DNM3: variants seen among roughly 807,000 people sequenced by gnomAD.
The protein encoded by DNM3 is dynamin-3.
Under a neutral mutation model 101.6 loss-of-function variants are expected in DNM3, and 47 were observed. That is an observed-to-expected ratio of 0.46 (90% confidence interval 0.37 to 0.59). The LOEUF is 0.59. Among genes scored for constraint, DNM3 ranks in the 20% least tolerant of loss-of-function variants. The pLI, the probability that DNM3 is intolerant of heterozygous loss-of-function variation, is 0.00. For synonymous variants in DNM3, 385 were observed against 387.9 expected, an observed-to-expected ratio of 0.99 and a Z score of 0.09; for missense variants, 849 against 1,085.7, an observed-to-expected ratio of 0.78 and a Z score of 3.06.
At chr1:171,939,740 A>T (rs2041688064) in intron 2 of DNM3, among the ~76,000 whole-genome samples, 1 of 152,214 alleles carries the variant, frequency 6.6e-6, no homozygotes, top group Non-Finnish European at 1.5e-5. Flanking sequence ...AAGTAAGAAA[A>T]TGAATAGACT....
downstream of DNM3, among the ~76,000 whole-genome samples, chr1:172,413,167 C>CTGT (rs1336306150): frequency 1.3e-5 from 2 of 152,226 alleles, no homozygotes; most frequent in African/African-American, 4.8e-5. Flanking sequence ...CAATTAGCCT[C>CTGT]TGTTATTTGT....
intron 14 of DNM3, among the ~76,000 whole-genome samples, chr1:172,230,621 C>T (rs560975518): frequency 7.2e-5 from 11 of 152,072 alleles, no homozygotes; most frequent in African/African-American, 2.7e-4. Context: ...TCTTACTTAC[C>T]GTTTCTTTTT....
intron 4 of DNM3, among the ~76,000 whole-genome samples, chr1:172,026,985 C>A (rs1572147990): frequency 1.3e-5 from 2 of 152,078 alleles, no homozygotes; most frequent in Non-Finnish European, 1.5e-5. Flanking sequence ...TCATATCCAG[C>A]CAAACTAAGC....
chr1:171,911,525 C>T (rs562383314), intron 1 of DNM3, among the ~76,000 whole-genome samples: 13 of 152,198 alleles, frequency 8.5e-5, no homozygotes, highest in South Asian at 4.1e-4. Flanking sequence ...TCAGGTGATC[C>T]GCCCGCCTCG....
intron 14 of DNM3, among the ~76,000 whole-genome samples, chr1:172,157,249 A>C (rs553800747): frequency 3.9e-5 from 6 of 152,184 alleles, no homozygotes; most frequent in Admixed American, 6.6e-5. Context: ...GATCCCTTGC[A>C]TGTGCAGTTC....
intron 15 of DNM3, among the ~76,000 whole-genome samples, chr1:172,296,431 G>A (rs2064165686): frequency 1.3e-5 from 2 of 152,226 alleles, no homozygotes; most frequent in African/African-American, 4.8e-5. Flanking sequence ...GAACCTGGGA[G>A]CAAGCTTGGT....
At chr1:172,210,550 A>G (rs1300351088) in intron 14 of DNM3, among the ~76,000 whole-genome samples, 1 of 152,078 alleles carries the variant, frequency 6.6e-6, no homozygotes, top group Non-Finnish European at 1.5e-5. Flanking sequence ...CCTAAAGAGC[A>G]AGAAGGGATT....
Position 171,894,086 on chromosome 1 carries a change from T to C in DNM3, c.162-27662T>C, listed in dbSNP as rs559326112. Among the ~76,000 whole-genome samples the C allele has an allele frequency of 1.5e-4, 23 of 152,228 alleles. No homozygotes were observed. The East Asian group carries it at 4.3e-3, about 28-fold the overall frequency. On this transcript the variant is annotated intron_variant, in intron 1 of 20. Transcript: ENST00000627582. ...ATCTGCCCACCTCGGCCTCCCAAAG[T>C]GCTGGGATTACAGGCGTGAGCCACA...
chr1:172,259,419 T>A (rs2062552565), intron 15 of DNM3, among the ~76,000 whole-genome samples: 1 of 152,122 alleles, frequency 6.6e-6, no homozygotes, highest in South Asian at 2.1e-4. Context: ...TATATCTGGG[T>A]GCTCTGGTGT....
intron 17 of DNM3, among the ~76,000 whole-genome samples, chr1:172,363,525 A>G (rs1296848754): frequency 6.6e-6 from 1 of 151,758 alleles, no homozygotes; most frequent in African/African-American, 2.4e-5. Flanking sequence ...TCTACTGGTT[A>G]CCTCTCCATT....
chr1:172,113,070 G>A (rs1394307248), intron 13 of DNM3, among the ~76,000 whole-genome samples: 3 of 152,144 alleles, frequency 2.0e-5, no homozygotes, highest in African/African-American at 4.8e-5. Context: ...TTTACTGAAT[G>A]TGGGGTATTT....
intron 15 of DNM3, among the ~76,000 whole-genome samples, chr1:172,300,333 A>G (rs1452672754): frequency 1.3e-5 from 2 of 152,084 alleles, no homozygotes; most frequent in Non-Finnish European, 2.9e-5. Flanking sequence ...CCCGTTCTGT[A>G]GGTTGTCTGT....
chr1:172,091,825 G>A lies in DNM3; in HGVS notation c.1494-999G>A, dbSNP rs572170283. ...AAGAATAGACTTCAGGGAGACAAGTGTGGAAGCAGAGACCAGAGAATAAAT... is the reference window on the plus strand; with the variant it reads ...AAGAATAGACTTCAGGGAGACAAGTATGGAAGCAGAGACCAGAGAATAAAT... On this transcript the variant is annotated intron_variant, in intron 12 of 20. Coordinates refer to ENST00000627582, the MANE Select transcript of DNM3 (RefSeq NM_015569.5). Among the ~76,000 whole-genome samples the A allele has an allele frequency of 2.1e-3, 314 of 152,324 alleles. 4 individuals carry two copies. Among genetic ancestry groups the A allele is most frequent in the African/African-American group, 7.2e-3 (299 of 41,578 alleles).
intron 14 of DNM3, among the ~76,000 whole-genome samples, chr1:172,182,798 CTT>C (rs2059393737): frequency 6.6e-6 from 1 of 152,046 alleles, no homozygotes; most frequent in African/African-American, 2.4e-5. Flanking sequence ...AATACCCAAT[CTT>C]TTATACCATT....
chr1:172,386,087 G>A (rs574995946), intron 18 of DNM3, among the ~76,000 whole-genome samples: 1 of 152,130 alleles, frequency 6.6e-6, no homozygotes, highest in Non-Finnish European at 1.5e-5. Context: ...ACTAATACAT[G>A]TTTCTTCAGT....
intron 17 of DNM3, among the ~76,000 whole-genome samples, chr1:172,336,773 T>C (rs2066451292): frequency 6.6e-6 from 1 of 151,724 alleles, no homozygotes; most frequent in Admixed American, 6.6e-5. Flanking sequence ...TGACTCTAAT[T>C]AGAGGGATAA....
intron 20 of DNM3, among the ~76,000 whole-genome samples, chr1:172,403,574 C>T (rs1184597636): frequency 6.6e-6 from 1 of 152,122 alleles, no homozygotes; most frequent in African/African-American, 2.4e-5. Flanking sequence ...TGCCACCCAC[C>T]CTGCATGAGC....
In DNM3 at chr1:172,411,623, T is replaced by TAATA. The variant is rs912595876; in HGVS notation, c.*3783_*3786dup. 1.0e-6 allele frequency: 1 copy of TAATA among 985,112 alleles called. No individual in the cohort carries two copies. Among genetic ancestry groups the TAATA allele is most frequent in the African/African-American group, 1.7e-5 (1 of 57,206 alleles). The allele number at this position is 985,112 out of a possible 1,614,324, so 61.0% of individuals were successfully genotyped here. A position where few individuals can be genotyped will look rare whatever the true frequency, so the allele number is the denominator to read the frequency against. ...CTGAAAATATAAGAGAGAAGCTATC[T>TAATA]AATACCTTGGAGGTAGGTCATCCAC... On this transcript the variant is annotated 3_prime_UTR_variant, in exon 21 of 21. Transcript: ENST00000627582.
At chr1:172,117,767 T>C (rs1385653932) in intron 13 of DNM3, among the ~76,000 whole-genome samples, 1 of 152,232 alleles carries the variant, frequency 6.6e-6, no homozygotes, top group East Asian at 1.9e-4. Flanking sequence ...TTTTTAGGAA[T>C]GAGCTCTTTT....
Sources: allele counts gnomAD v4.1 joint callset (sites outside exome capture counted in the v4.1 genomes callset), GRCh38; gene constraint gnomAD v4.1.1; transcripts MANE v1.5; gene names NCBI Gene and HGNC (gene_info 2026-07-23, HGNC 2026-07-21).